CDK14: variants seen among roughly 807,000 people sequenced by gnomAD.
CDK14 encodes cyclin-dependent kinase 14.
CDK14 carries 34 observed loss-of-function variants against 60.7 expected under a neutral mutation model. That is an observed-to-expected ratio of 0.56 (90% confidence interval 0.43 to 0.75). The LOEUF (loss-of-function observed/expected upper bound fraction) is 0.75, where lower values mean the gene tolerates loss of function less well. Among genes scored for constraint, CDK14 ranks in the 30% least tolerant of loss-of-function variants. The probability of loss-of-function intolerance (pLI) is 0.00; values close to 1 mark genes in which losing one functional copy is unlikely to be tolerated. For missense variants in CDK14, 482 were observed against 564.1 expected (o/e 0.85, Z 1.47); for synonymous variants, 197 against 203.7 (o/e 0.97, Z 0.28).
chr7:90,636,531 T>A (rs1267061681), intron 2 of CDK14, among the ~76,000 whole-genome samples: 1 of 151,830 alleles, frequency 6.6e-6, no homozygotes, highest in Non-Finnish European at 1.5e-5. Context: ...CTGGATTCAG[T>A]TTGCCAGTAT....
chr7:90,634,502 T>C (rs1167079986), intron 2 of CDK14, among the ~76,000 whole-genome samples: 2 of 151,864 alleles, frequency 1.3e-5, no homozygotes, highest in Non-Finnish European at 2.9e-5. Context: ...ATGGTGTATA[T>C]GTGCCACATT....
intron 2 of CDK14, among the ~76,000 whole-genome samples, chr7:90,715,643 T>C (rs1315647954): frequency 1.4e-5 from 2 of 144,972 alleles, no homozygotes; most frequent in African/African-American, 2.6e-5. Flanking sequence ...AAGTTTTTAT[T>C]TGCAGGAATA....
At chr7:90,955,266 G>T (rs537629846) in intron 8 of CDK14, among the ~76,000 whole-genome samples, 104 of 152,146 alleles carry the variant, frequency 6.8e-4, no homozygotes, top group African/African-American at 2.4e-3. Context: ...TTCACAATAC[G>T]CATTAGAACA....
chr7:91,035,482 G>A (rs1339511840), intron 10 of CDK14, among the ~76,000 whole-genome samples: 1 of 152,118 alleles, frequency 6.6e-6, no homozygotes. Flanking sequence ...TCACAATGTA[G>A]CACTTAATCT....
chr7:90,958,018 T>A (rs574159095), intron 9 of CDK14, among the ~76,000 whole-genome samples: 1 of 152,316 alleles, frequency 6.6e-6, no homozygotes, highest in Admixed American at 6.5e-5. Context: ...CATATAATTT[T>A]ATGACCTCAG....
intron 14 of CDK14, among the ~76,000 whole-genome samples, chr7:91,194,639 C>T (rs548797258): frequency 2.6e-5 from 4 of 151,934 alleles, no homozygotes; most frequent in East Asian, 1.9e-4. Flanking sequence ...GCTTAGGGTG[C>T]GATTTTAATA....
chr7:90,867,971 A>G (rs77761467), intron 6 of CDK14, among the ~76,000 whole-genome samples: 1 of 135,280 alleles, frequency 7.4e-6, no homozygotes, highest in Non-Finnish European at 1.5e-5. Flanking sequence ...ACATAAAATT[A>G]AAAAAAAAAA....
chr7:90,685,541 CTGTCATAGCT>C (rs1172739072), intron 2 of CDK14, among the ~76,000 whole-genome samples: 1 of 151,872 alleles, frequency 6.6e-6, no homozygotes, highest in Non-Finnish European at 1.5e-5. Context: ...GTTAGTGGCA[CTGTCATAGCT>C]TACTGTAGCC....
At chr7:90,639,254 T>C (rs1800251210) in intron 2 of CDK14, among the ~76,000 whole-genome samples, 1 of 152,038 alleles carries the variant, frequency 6.6e-6, no homozygotes, top group Non-Finnish European at 1.5e-5. Flanking sequence ...CCCATCTTTG[T>C]GGTTTTATCT....
chr7:90,805,369 G>A (rs1046574948), intron 5 of CDK14, among the ~76,000 whole-genome samples: 30 of 151,822 alleles, frequency 2.0e-4, no homozygotes, highest in Admixed American at 6.6e-4. Context: ...AAAAATGTTC[G>A]TTACAAAAGC....
intron 8 of CDK14, among the ~76,000 whole-genome samples, chr7:90,946,401 T>C (rs560797610): frequency 6.6e-6 from 1 of 152,264 alleles, no homozygotes; most frequent in African/African-American, 2.4e-5. Flanking sequence ...GTGCATATCT[T>C]TTAATAGGCC....
At chr7:90,937,811 G>C (rs1038236915) in intron 8 of CDK14, among the ~76,000 whole-genome samples, 1 of 152,182 alleles carries the variant, frequency 6.6e-6, no homozygotes, top group Non-Finnish European at 1.5e-5. Context: ...TTGCAGTTCA[G>C]TTGTTCTTAC....
At chr7:90,990,525 A>G (rs554075721) in intron 10 of CDK14, among the ~76,000 whole-genome samples, 2 of 152,318 alleles carry the variant, frequency 1.3e-5, no homozygotes, top group African/African-American at 2.4e-5. Context: ...AGTCATTTAC[A>G]TGGCGAAAAA....
At position 90,898,839 on chromosome 7, in the gene CDK14, G is replaced by C. The variant is rs1792414700; in HGVS notation, c.640-452G>C. On this transcript the variant is annotated intron_variant, in intron 6 of 14. Transcript: ENST00000380050. ...TATTTTTTCTGAATATGGACATAAA[G>C]ATAAGTCCAGTGATTAATTTTACTA... is the stretch of plus-strand genomic sequence containing the variant. Among the ~76,000 whole-genome samples, 5 of 151,992 alleles carry C rather than the reference G, an allele frequency of 3.3e-5. No individual in the cohort carries two copies. The South Asian group carries it at 1.0e-3, about 32-fold the overall frequency.
intron 14 of CDK14, among the ~76,000 whole-genome samples, chr7:91,192,302 G>A (rs1415286471): frequency 1.3e-5 from 2 of 152,178 alleles, no homozygotes; most frequent in Non-Finnish European, 2.9e-5. Flanking sequence ...AGAAAACCAT[G>A]AGTTGCTCTT....
At chr7:90,917,796 T>TAAACAAATGCAG in intron 8 of CDK14, 72 bp downstream of exon 8, 1 of 1,467,356 alleles carries the variant, frequency 6.8e-7, no homozygotes, top group Non-Finnish European at 9.4e-7. Context: ...GGCACTGCAT[T>TAAACAAATGCAG]TGTTTAGGTG....
intron 10 of CDK14, among the ~76,000 whole-genome samples, chr7:90,996,925 A>G (rs190432990): frequency 2.6e-4 from 40 of 152,302 alleles, no homozygotes; most frequent in Admixed American, 1.8e-3. Context: ...ATGTTGGTCA[A>G]TCCCTGGTAA....
At chr7:90,830,036 T>A (rs2117107129) in intron 5 of CDK14, among the ~76,000 whole-genome samples, 1 of 152,250 alleles carries the variant, frequency 6.6e-6, no homozygotes, top group South Asian at 2.1e-4. Context: ...TGTTGGTGGA[T>A]CTACCATTCT....
At chr7:90,953,627 C>T (rs1267675176) in intron 8 of CDK14, among the ~76,000 whole-genome samples, 2 of 152,132 alleles carry the variant, frequency 1.3e-5, no homozygotes, top group Non-Finnish European at 2.9e-5. Flanking sequence ...TTTTTTATAA[C>T]TAGCCTGGTC....
Sources: allele counts gnomAD v4.1 joint callset (sites outside exome capture counted in the v4.1 genomes callset), GRCh38; gene constraint gnomAD v4.1.1; transcripts MANE v1.5; gene names NCBI Gene and HGNC (gene_info 2026-07-23, HGNC 2026-07-21).